ADGRB3: variants seen among roughly 807,000 people sequenced by gnomAD.
ADGRB3 encodes brain-specific angiogenesis inhibitor 3.
In ADGRB3, 37 loss-of-function variants were observed where a neutral mutation model predicts 193.4. The observed-to-expected ratio is 0.19, with a 90% CI of 0.15 to 0.25. The LOEUF (loss-of-function observed/expected upper bound fraction) is 0.25. Among genes scored for constraint, ADGRB3 ranks in the 10% least tolerant of loss-of-function variants. The pLI is 1.00. For missense variants in ADGRB3, 1,637 were observed against 1,852.9 expected, an observed-to-expected ratio of 0.88 and a Z score of 2.14; for synonymous variants, 690 against 644.2, an observed-to-expected ratio of 1.07 and a Z score of -1.08.
At chr6:69,109,076 A>G (rs1773296307) in intron 17 of ADGRB3, among the ~76,000 whole-genome samples, 1 of 152,232 alleles carries the variant, frequency 6.6e-6, no homozygotes, top group Non-Finnish European at 1.5e-5. Flanking sequence ...GCATTCAATA[A>G]GAGGGTTACA....
At chr6:69,208,061 A>G (rs151199212) in intron 17 of ADGRB3, among the ~76,000 whole-genome samples, 3,318 of 152,318 alleles carry the variant, frequency 0.022, 122 homozygotes, top group African/African-American at 0.071. Flanking sequence ...GGCACTCAGC[A>G]GTGGTCATAG....
chr6:68,758,684 C>G (rs141361514), intron 3 of ADGRB3, among the ~76,000 whole-genome samples: 1 of 152,238 alleles, frequency 6.6e-6, no homozygotes, highest in African/African-American at 2.4e-5. Flanking sequence ...GAATTATTAT[C>G]TCCTTCTTGA....
chr6:68,758,029 A>G (rs1196957779), intron 3 of ADGRB3, among the ~76,000 whole-genome samples: 1 of 152,038 alleles, frequency 6.6e-6, no homozygotes, highest in Non-Finnish European at 1.5e-5. Context: ...GTGAAAGTCT[A>G]AATATATCAG....
intron 3 of ADGRB3, among the ~76,000 whole-genome samples, chr6:68,739,531 CAG>C (rs1226294301): frequency 1.3e-5 from 2 of 152,008 alleles, no homozygotes; most frequent in African/African-American, 4.8e-5. Flanking sequence ...TGAGAGAAGT[CAG>C]AGTGCACAGG....
At chr6:69,238,580 C>G (rs777493987) in intron 19 of ADGRB3, among the ~76,000 whole-genome samples, 1 of 151,930 alleles carries the variant, frequency 6.6e-6, no homozygotes, top group Non-Finnish European at 1.5e-5. Flanking sequence ...TAAAGAGTAG[C>G]AGCCTAATTA....
intron 26 of ADGRB3, 27 bp downstream of exon 26, chr6:69,339,531 C>G (rs974080980): frequency 1.1e-5 from 17 of 1,599,988 alleles, no homozygotes; most frequent in Non-Finnish European, 1.5e-5. Flanking sequence ...TGATAGAGAA[C>G]AGTGATGGTT....
chr6:69,031,474 T>G (rs933370053), intron 13 of ADGRB3, among the ~76,000 whole-genome samples: 4 of 144,692 alleles, frequency 2.8e-5, no homozygotes, highest in African/African-American at 1.0e-4. Context: ...GTTTCTTACA[T>G]GTTAACATGT....
intron 26 of ADGRB3, among the ~76,000 whole-genome samples, chr6:69,342,960 T>A (rs1769006679): frequency 6.6e-6 from 1 of 151,832 alleles, no homozygotes; most frequent in African/African-American, 2.4e-5. Flanking sequence ...TAACATAATT[T>A]GGTCTCTAAT....
rs539746311 is a variant in ADGRB3, at chr6:69,367,581, T to A, written c.4240-4825T>A. Among the ~76,000 whole-genome samples the A allele has an allele frequency of 2.3e-4, 35 of 152,058 alleles. No individual in the cohort carries two copies. The East Asian group carries it at 5.5e-3, about 24-fold the overall frequency. ...TAACTGGTGTGAGATGGTATGTGAT[T>A]GTGGTTTTGATTTGCATTTCTCTGA... On this transcript the variant is annotated intron_variant, in intron 29 of 31. Transcript: ENST00000370598.
intron 20 of ADGRB3, among the ~76,000 whole-genome samples, chr6:69,296,571 C>T (rs984564660): frequency 2.0e-5 from 3 of 152,092 alleles, no homozygotes; most frequent in Admixed American, 6.6e-5. Context: ...GCAAAGAAAA[C>T]GCATTATCTG....
chr6:68,827,741 A>G (rs912380538), intron 3 of ADGRB3, among the ~76,000 whole-genome samples: 5 of 151,948 alleles, frequency 3.3e-5, no homozygotes, highest in African/African-American at 1.2e-4. Context: ...AGAAGTGGCT[A>G]TTTTCACAAA....
chr6:68,751,152 T>C lies in ADGRB3; in HGVS notation c.757+111720T>C, dbSNP rs561287825. ...ACTACCTAACAGTACTTACTGAAAA[T>C]GTCAGGCACAGACAAGAATGATTAA... On this transcript the variant is annotated intron_variant, in intron 3 of 31. Coordinates refer to ENST00000370598, the MANE Select transcript of ADGRB3 (RefSeq NM_001704.3). 3.9e-5 allele frequency among the ~76,000 whole-genome samples: 6 copies of C among 152,286 alleles called. No individual in the cohort carries two copies. The East Asian group carries it at 9.6e-4, about 24-fold the overall frequency.
chr6:69,310,747 A>G (rs1226146924), intron 20 of ADGRB3, among the ~76,000 whole-genome samples: 1 of 151,690 alleles, frequency 6.6e-6, no homozygotes, highest in Admixed American at 6.6e-5. Context: ...CTTACATTGG[A>G]TACTCAGTAT....
intron 3 of ADGRB3, among the ~76,000 whole-genome samples, chr6:68,663,060 T>C (rs1768707922): frequency 6.6e-6 from 1 of 151,406 alleles, no homozygotes; most frequent in Non-Finnish European, 1.5e-5. Context: ...CAATATTATA[T>C]GGAAAAGTAA....
At chr6:68,747,660 T>C (rs755859243) in intron 3 of ADGRB3, among the ~76,000 whole-genome samples, 7 of 152,122 alleles carry the variant, frequency 4.6e-5, no homozygotes, top group Non-Finnish European at 8.8e-5. Context: ...GGAAGAAGAT[T>C]GATATGAAAG....
intron 17 of ADGRB3, among the ~76,000 whole-genome samples, chr6:69,220,359 T>G (rs931304115): frequency 1.3e-5 from 2 of 152,072 alleles, no homozygotes; most frequent in African/African-American, 4.8e-5. Flanking sequence ...ACCTTGCAAA[T>G]AAGGAGAACT....
At chr6:68,860,712 G>C (rs1368983239) in intron 3 of ADGRB3, among the ~76,000 whole-genome samples, 1 of 152,124 alleles carries the variant, frequency 6.6e-6, no homozygotes, top group African/African-American at 2.4e-5. Flanking sequence ...ACATAAGAGT[G>C]CAAGTGTCTT....
intron 11 of ADGRB3, among the ~76,000 whole-genome samples, chr6:69,003,351 C>T (rs1769641854): frequency 6.6e-6 from 1 of 151,422 alleles, no homozygotes; most frequent in Non-Finnish European, 1.5e-5. Flanking sequence ...TTATTTTTTT[C>T]ACTTATTATG....
At chr6:68,844,528 T>C (rs569697485) in intron 3 of ADGRB3, among the ~76,000 whole-genome samples, 28 of 152,300 alleles carry the variant, frequency 1.8e-4, no homozygotes, top group African/African-American at 6.5e-4. Flanking sequence ...AAGGGAACCA[T>C]CCTGAACTGT....
Sources: gnomAD v4.1 joint callset for allele counts (sites outside exome capture counted in the v4.1 genomes callset) on GRCh38, gnomAD v4.1.1 for gene constraint, MANE v1.5 for transcripts, NCBI Gene and HGNC (gene_info 2026-07-23, HGNC 2026-07-21) for gene names.